Variants in LPP observed in about 807,000 individuals in gnomAD.
LPP encodes LIM domain containing preferred translocation partner in lipoma.
Under a neutral mutation model 60.4 loss-of-function variants are expected in LPP, and 38 were observed. That is an observed-to-expected ratio of 0.63 (90% CI 0.49 to 0.83). LPP has a LOEUF of 0.83. Among genes scored for constraint, LPP ranks in the 40% least tolerant of loss-of-function variants. LPP has a pLI of 0.00. For missense variants in LPP, 902 were observed against 783.6 expected (o/e 1.15, Z -1.80); for synonymous variants, 328 against 290.8 (o/e 1.13, Z -1.30).
At chr3:188,859,397 GTAAT>G (rs1331745877) in intron 9 of LPP, among the ~76,000 whole-genome samples, 2 of 152,100 alleles carry the variant, frequency 1.3e-5, no homozygotes, top group African/African-American at 2.4e-5. Context: ...CCATTCATAA[GTAAT>G]TACTCTCTTC....
intron 9 of LPP, among the ~76,000 whole-genome samples, chr3:188,856,371 G>A (rs1342821836): frequency 6.6e-6 from 1 of 152,146 alleles, no homozygotes; most frequent in Non-Finnish European, 1.5e-5. Flanking sequence ...GGGAGTATGG[G>A]TACTTGTGTA....
chr3:188,233,331 G>A (rs1026139776), intron 2 of LPP, among the ~76,000 whole-genome samples: 8 of 152,204 alleles, frequency 5.3e-5, no homozygotes, highest in Non-Finnish European at 2.9e-5. Context: ...TAGTCCAGGG[G>A]TGAATTCTAC....
intron 6 of LPP, among the ~76,000 whole-genome samples, chr3:188,527,840 C>T (rs1821079547): frequency 6.6e-6 from 1 of 151,226 alleles, no homozygotes; most frequent in Non-Finnish European, 1.5e-5. Context: ...CCTCCGCCTC[C>T]TGGGTTCAAG....
rs1381934814 is a variant in LPP, at chr3:188,879,680, T to C, written c.*5201T>C. The C allele has an allele frequency of 5.5e-6, 1 of 182,394 alleles. No individual in the cohort carries two copies. Among genetic ancestry groups the C allele is most frequent in the Non-Finnish European group, 1.2e-5 (1 of 85,576 alleles). 11.3% of individuals were successfully genotyped at this position (182,394 alleles called of 1,614,324 possible). On this transcript the variant is annotated 3_prime_UTR_variant, in exon 12 of 12. Coordinates refer to ENST00000617246, the MANE Select transcript of LPP (RefSeq NM_001375462.1). The stretch of plus-strand genomic sequence containing the variant: ...TAACCCCAAAAAATTATAATTTTAA[T>C]GATGGCATTTTATTTTATTCCATTG...
chr3:188,476,341 A>G (rs1163266257), intron 4 of LPP, among the ~76,000 whole-genome samples: 1 of 152,156 alleles, frequency 6.6e-6, no homozygotes, highest in East Asian at 1.9e-4. Flanking sequence ...TTCCCACTGT[A>G]TGATTGCAAT....
chr3:188,628,709 T>C (rs1847306774), intron 7 of LPP, among the ~76,000 whole-genome samples: 1 of 152,010 alleles, frequency 6.6e-6, no homozygotes, highest in African/African-American at 2.4e-5. Context: ...ACTAAATAGC[T>C]TCCAAAAATC....
chr3:188,850,738 A>G (rs1329069164), intron 9 of LPP, among the ~76,000 whole-genome samples: 2 of 152,200 alleles, frequency 1.3e-5, no homozygotes, highest in Non-Finnish European at 2.9e-5. Flanking sequence ...GACTGCATTC[A>G]TCTAAAGAGG....
chr3:188,335,948 T>C (rs2150574448), intron 2 of LPP, among the ~76,000 whole-genome samples: 1 of 152,322 alleles, frequency 6.6e-6, no homozygotes, highest in Middle Eastern at 3.4e-3. Context: ...ACTTTGTTTC[T>C]GAATAGATGC....
intron 8 of LPP, among the ~76,000 whole-genome samples, chr3:188,748,867 C>T (rs1027088083): frequency 1.3e-5 from 2 of 152,168 alleles, no homozygotes; most frequent in Non-Finnish European, 2.9e-5. Flanking sequence ...ATAATACCAA[C>T]GTATAAAGCA....
Position 188,875,419 on chromosome 3 carries a change from T to C in LPP, c.*940T>C, listed in dbSNP as rs1338870966. On this transcript the variant is annotated 3_prime_UTR_variant, in exon 12 of 12. Transcript: ENST00000617246. ...CTAATATCCAACACAACTATCAAAA[T>C]TGCCTTTTTCTCTAGAGGATGAAGG... 1 of 216,930 alleles carries C rather than the reference T, an allele frequency of 4.6e-6. No individual in the cohort carries two copies. The highest frequency in any genetic ancestry group is 2.2e-5 in the African/African-American group (1 of 44,448). The allele number at this position is 216,930 out of a possible 1,614,324, so 13.4% of individuals were successfully genotyped here.
chr3:188,561,513 G>T (rs914629499), intron 6 of LPP, among the ~76,000 whole-genome samples: 1 of 152,028 alleles, frequency 6.6e-6, no homozygotes, highest in South Asian at 2.1e-4. Flanking sequence ...AGCATGTATA[G>T]AACAAGCACT....
At chr3:188,301,345 G>A (rs1749789200) in intron 2 of LPP, among the ~76,000 whole-genome samples, 1 of 152,244 alleles carries the variant, frequency 6.6e-6, no homozygotes, top group African/African-American at 2.4e-5. Flanking sequence ...GGACCAGAAA[G>A]TGGAAATAAC....
At chr3:188,835,967 C>T (rs1176409268) in intron 9 of LPP, among the ~76,000 whole-genome samples, 1 of 152,144 alleles carries the variant, frequency 6.6e-6, no homozygotes, top group Non-Finnish European at 1.5e-5. Context: ...TGATGAGGAA[C>T]CAAAGGCTTT....
intron 4 of LPP, among the ~76,000 whole-genome samples, chr3:188,413,860 C>T (rs1785481804): frequency 6.6e-6 from 1 of 152,138 alleles, no homozygotes; most frequent in Admixed American, 6.6e-5. Flanking sequence ...TCCATATCCT[C>T]TTTAATTCAT....
At chr3:188,702,937 C>T (rs1183407454) in intron 7 of LPP, among the ~76,000 whole-genome samples, 2 of 152,096 alleles carry the variant, frequency 1.3e-5, no homozygotes, top group African/African-American at 4.8e-5. Context: ...AAGAAGTATG[C>T]CCAACTCAGC....
chr3:188,632,039 A>G (rs977807752), intron 7 of LPP, among the ~76,000 whole-genome samples: 1 of 152,110 alleles, frequency 6.6e-6, no homozygotes, highest in Non-Finnish European at 1.5e-5. Flanking sequence ...GGGCCCCTGA[A>G]GCTTCATTTC....
At chr3:188,457,048 GA>G (rs1457742973) in intron 4 of LPP, among the ~76,000 whole-genome samples, 2 of 152,174 alleles carry the variant, frequency 1.3e-5, no homozygotes, top group African/African-American at 4.8e-5. Flanking sequence ...ACATCTGTAA[GA>G]TAATCTTTTG....
At chr3:188,854,943 CTA>C (rs1292718014) in intron 9 of LPP, among the ~76,000 whole-genome samples, 1 of 152,150 alleles carries the variant, frequency 6.6e-6, no homozygotes, top group East Asian at 1.9e-4. Flanking sequence ...GATCTTGATT[CTA>C]ATGGATGACT....
At chr3:188,440,354 T>A (rs1355341297) in intron 4 of LPP, among the ~76,000 whole-genome samples, 1 of 152,106 alleles carries the variant, frequency 6.6e-6, no homozygotes, top group Non-Finnish European at 1.5e-5. Flanking sequence ...TATTTAAAGT[T>A]TTTTTTTAGT....
Sources: gnomAD v4.1 joint callset for allele counts (sites outside exome capture counted in the v4.1 genomes callset) on GRCh38, gnomAD v4.1.1 for gene constraint, MANE v1.5 for transcripts, NCBI Gene and HGNC (gene_info 2026-07-23, HGNC 2026-07-21) for gene names.